The following ANGPT1 variants were observed in gnomAD, a reference collection of about 807,000 sequenced individuals.
ANGPT1 encodes angiopoietin 1, also known as angiopoietin-1.
In ANGPT1, 17 loss-of-function variants were observed where a neutral mutation model predicts 62.2. The ratio of observed to expected loss-of-function variants is 0.27; its 90% CI spans 0.19 to 0.41. ANGPT1 has a LOEUF of 0.41. Among genes scored for constraint, ANGPT1 ranks in the 10% least tolerant of loss-of-function variants. ANGPT1 has a pLI of 1.00. For missense variants in ANGPT1, 478 were observed against 594.9 expected, an observed-to-expected ratio of 0.80 and a Z score of 2.04; for synonymous variants, 199 against 198.9, an observed-to-expected ratio of 1.00 and a Z score of 0.00.
chr8:107,443,549 C>T (rs904105530), intron 1 of ANGPT1, among the ~76,000 whole-genome samples: 8 of 151,858 alleles, frequency 5.3e-5, no homozygotes, highest in Middle Eastern at 3.4e-3. Context: ...TGGCTCACGC[C>T]GGTAATCCCA....
At chr8:107,291,284 C>T (rs1359460337) in intron 6 of ANGPT1, among the ~76,000 whole-genome samples, 1 of 152,170 alleles carries the variant, frequency 6.6e-6, no homozygotes, top group Non-Finnish European at 1.5e-5. Flanking sequence ...ATCCTTGAAA[C>T]ATCACTGTGA....
chr8:107,292,911 A>C (rs775385416), intron 6 of ANGPT1, among the ~76,000 whole-genome samples: 3 of 152,202 alleles, frequency 2.0e-5, no homozygotes, highest in Non-Finnish European at 2.9e-5. Flanking sequence ...AAATTTGTCA[A>C]AAAGTCAAGA....
chr8:107,367,276 G>T (rs1218087356), intron 1 of ANGPT1, among the ~76,000 whole-genome samples: 1 of 152,110 alleles, frequency 6.6e-6, no homozygotes, highest in Non-Finnish European at 1.5e-5. Context: ...TATTAAGTGT[G>T]AAATAGCATT....
intron 1 of ANGPT1, among the ~76,000 whole-genome samples, chr8:107,363,087 CTT>C (rs34681033): frequency 0.049 from 6,728 of 137,586 alleles, 382 homozygotes; most frequent in African/African-American, 0.14. Context: ...AACCTGAGTG[CTT>C]TTTTTTTTTT....
intron 1 of ANGPT1, among the ~76,000 whole-genome samples, chr8:107,426,273 T>A (rs1205015220): frequency 6.6e-6 from 1 of 151,932 alleles, no homozygotes; most frequent in African/African-American, 2.4e-5. Context: ...ATGTCTAAAG[T>A]ACAGTGGGAG....
intron 1 of ANGPT1, among the ~76,000 whole-genome samples, chr8:107,484,784 G>T (rs142913627): frequency 6.6e-6 from 1 of 152,122 alleles, no homozygotes; most frequent in Non-Finnish European, 1.5e-5. Context: ...ATTTTGTGCC[G>T]AAAGCAACAG....
At chr8:107,395,700 G>A (rs540357060) in intron 1 of ANGPT1, among the ~76,000 whole-genome samples, 1 of 152,204 alleles carries the variant, frequency 6.6e-6, no homozygotes, top group African/African-American at 2.4e-5. Context: ...TTAAAATATG[G>A]AGAATTATTT....
chr8:107,274,479 A>G (rs1031821939), intron 7 of ANGPT1, among the ~76,000 whole-genome samples: 3 of 152,188 alleles, frequency 2.0e-5, no homozygotes, highest in Non-Finnish European at 2.9e-5. Flanking sequence ...TTTTTTATTT[A>G]CTTGCCAACA....
chr8:107,295,585 C>T (rs1257286137), intron 5 of ANGPT1: 1 of 151,958 alleles, frequency 6.6e-6, no homozygotes, highest in Non-Finnish European at 1.5e-5. Flanking sequence ...ATTTTCAGCT[C>T]TAATAGCCTG....
At chr8:107,282,174 G>A (rs897956466) in intron 7 of ANGPT1, among the ~76,000 whole-genome samples, 2 of 151,872 alleles carry the variant, frequency 1.3e-5, no homozygotes, top group African/African-American at 4.8e-5. Flanking sequence ...ACCAGAGTAA[G>A]CATTATGTTT....
chr8:107,402,669 C>A (rs1049940471), intron 1 of ANGPT1, among the ~76,000 whole-genome samples: 2 of 152,034 alleles, frequency 1.3e-5, no homozygotes, highest in African/African-American at 4.8e-5. Flanking sequence ...TTAAGCAGAC[C>A]AAGTAGTAAG....
chr8:107,455,081 T>C (rs954368898), intron 1 of ANGPT1, among the ~76,000 whole-genome samples: 2 of 152,070 alleles, frequency 1.3e-5, no homozygotes, highest in Non-Finnish European at 2.9e-5. Flanking sequence ...TCCCAGATGC[T>C]ACCTTACTTT....
intron 1 of ANGPT1, among the ~76,000 whole-genome samples, chr8:107,348,286 A>G (rs2130163916): frequency 6.6e-6 from 1 of 152,334 alleles, no homozygotes; most frequent in East Asian, 1.9e-4. Flanking sequence ...CCACTATTTC[A>G]TAATCCATAG....
At chr8:107,307,588 G>A (rs1021411526) in intron 4 of ANGPT1, among the ~76,000 whole-genome samples, 2 of 151,470 alleles carry the variant, frequency 1.3e-5, no homozygotes, top group Admixed American at 6.6e-5. Flanking sequence ...CGCGTTTTTT[G>A]TTGACCTCTC....
rs115523849 is a variant in ANGPT1 at position 107,358,445 on chromosome 8, A to G, written c.298-11348T>C. Among the ~76,000 whole-genome samples the G allele has an allele frequency of 2.9e-3, 434 of 152,084 alleles. 2 individuals carry two copies. Among genetic ancestry groups the G allele is most frequent in the African/African-American group, 9.9e-3 (412 of 41,486 alleles). ...CATTGTTTCATCTTTCACAAAGGCC[A>G]TTTTGGTGCCCTGGTGATGCTTGTT... On this transcript the variant is annotated intron_variant, in intron 1 of 8. Coordinates refer to ENST00000517746, the MANE Select transcript of ANGPT1 (RefSeq NM_001146.5).
chr8:107,407,384 T>C (rs571464457), intron 1 of ANGPT1, among the ~76,000 whole-genome samples: 63 of 152,266 alleles, frequency 4.1e-4, no homozygotes, highest in African/African-American at 1.5e-3. Flanking sequence ...ATGGATGAAC[T>C]GCTTTTGAAT....
chr8:107,322,039 A>G lies in ANGPT1; in HGVS notation c.665T>C (p.Leu222Ser). The change falls in exon 4 of 9, where the codon TTG (leucine) becomes TCG (serine). Residue 222 changes from leucine (L) to serine (S), a missense_variant. By Grantham distance (145) the Leu-to-Ser change is moderately radical (BLOSUM62 -2). Transcript: ENST00000517746. ...GATTATATATGTTTGACGAGTAACCAAGCCTTGAAGGTTCTCTTTCTCTTC... is the reference window on the plus strand; with the variant it reads ...GATTATATATGTTTGACGAGTAACCGAGCCTTGAAGGTTCTCTTTCTCTTC... ...LKEEKENLQGLVTRQTYIIQE... is the reference protein window; with the variant it reads ...LKEEKENLQGSVTRQTYIIQE... 6.2e-7 allele frequency: 1 copy of G among 1,614,000 alleles called. No homozygotes were observed. The highest frequency in any genetic ancestry group is 1.1e-5 in the South Asian group (1 of 91,080).
chr8:107,489,153 A>C (rs1475224687), intron 1 of ANGPT1, among the ~76,000 whole-genome samples: 1 of 152,160 alleles, frequency 6.6e-6, no homozygotes, highest in Non-Finnish European at 1.5e-5. Context: ...ATTTCGTTGA[A>C]ATTTATAGTA....
intron 1 of ANGPT1, among the ~76,000 whole-genome samples, chr8:107,398,011 G>A (rs774811196): frequency 2.8e-4 from 42 of 152,156 alleles, no homozygotes; most frequent in Non-Finnish European, 5.3e-4. Flanking sequence ...TCTTTGCCCT[G>A]TATCATGATG....
Sources: allele counts gnomAD v4.1 joint callset (sites outside exome capture counted in the v4.1 genomes callset), GRCh38; gene constraint gnomAD v4.1.1; transcripts MANE v1.5; gene names NCBI Gene and HGNC (gene_info 2026-07-23, HGNC 2026-07-21).